Variants in RBFOX1 observed in about 807,000 individuals in gnomAD.
RBFOX1 encodes RNA binding protein fox-1 homolog 1.
RBFOX1 carries 8 observed loss-of-function variants against 57.7 expected under a neutral mutation model. The observed-to-expected ratio is 0.14, with a 90% CI of 0.08 to 0.25. RBFOX1 has a LOEUF of 0.25. Ranked by LOEUF, RBFOX1 falls within the 10% of genes least tolerant of loss-of-function variation. The pLI is 1.00. For missense variants in RBFOX1, 611 were observed against 548.5 expected (o/e 1.11, Z -1.14); for synonymous variants, 326 against 222.4 (o/e 1.47, Z -4.15).
intron 2 of RBFOX1, among the ~76,000 whole-genome samples, chr16:6,512,527 C>T (rs764475332): frequency 1.3e-5 from 2 of 152,028 alleles, no homozygotes; most frequent in African/African-American, 2.4e-5. Context: ...AGGGTCTGGA[C>T]CAAGACTGGG....
At chr16:5,841,605 A>G (rs957475059) in intron 3 of RBFOX1, among the ~76,000 whole-genome samples, 6 of 152,302 alleles carry the variant, frequency 3.9e-5, no homozygotes, top group Non-Finnish European at 7.3e-5. Context: ...ATCTTTTCCA[A>G]TATCTGGGAT....
chr16:7,374,925 C>G (rs565340871), intron 4 of RBFOX1, among the ~76,000 whole-genome samples: 11 of 152,270 alleles, frequency 7.2e-5, no homozygotes, highest in African/African-American at 2.4e-4. Context: ...TTCAAGACCT[C>G]TGCACTTACA....
intron 4 of RBFOX1, among the ~76,000 whole-genome samples, chr16:7,483,720 C>G (rs547650590): frequency 6.6e-6 from 1 of 152,142 alleles, no homozygotes; most frequent in Admixed American, 6.5e-5. Context: ...GTTCAGCTAC[C>G]CAAGACAACA....
At chr16:6,113,483 C>G (rs561862720) in intron 1 of RBFOX1, among the ~76,000 whole-genome samples, 1 of 152,194 alleles carries the variant, frequency 6.6e-6, no homozygotes, top group Non-Finnish European at 1.5e-5. Context: ...TTTGTGTGGA[C>G]TTGTTGATGG....
chr16:6,157,684 C>T (rs1181612568), intron 1 of RBFOX1, among the ~76,000 whole-genome samples: 1 of 151,158 alleles, frequency 6.6e-6, no homozygotes, highest in East Asian at 1.9e-4. Context: ...ATATATATGC[C>T]CATATATAAA....
intron 4 of RBFOX1, among the ~76,000 whole-genome samples, chr16:7,151,404 G>A (rs1392222553): frequency 1.3e-5 from 2 of 152,030 alleles, no homozygotes; most frequent in Non-Finnish European, 2.9e-5. Flanking sequence ...AGCAGGGCAG[G>A]GTAAAGGGGT....
chr16:6,516,196 T>A (rs1156411088), intron 2 of RBFOX1, among the ~76,000 whole-genome samples: 2 of 152,188 alleles, frequency 1.3e-5, no homozygotes, highest in Admixed American at 1.3e-4. Flanking sequence ...GCCTGGCTAA[T>A]ACTTGTATTT....
At chr16:5,303,666 A>G (rs758491189) in intron 1 of RBFOX1, among the ~76,000 whole-genome samples, 18 of 151,346 alleles carry the variant, frequency 1.2e-4, no homozygotes, top group South Asian at 2.1e-4. Context: ...GGAAAAAGGA[A>G]CCAGGCCTTA....
intron 2 of RBFOX1, among the ~76,000 whole-genome samples, chr16:6,527,251 G>T (rs2096593783): frequency 1.3e-5 from 2 of 152,120 alleles, no homozygotes; most frequent in East Asian, 1.9e-4. Context: ...CGCGTTACCA[G>T]TTTGTTTTGT....
intron 2 of RBFOX1, among the ~76,000 whole-genome samples, chr16:6,623,341 G>C (rs896142312): frequency 2.0e-5 from 3 of 152,126 alleles, no homozygotes; most frequent in African/African-American, 4.8e-5. Flanking sequence ...AGAAGGGCCT[G>C]AGAAGGACAG....
intron 3 of RBFOX1, among the ~76,000 whole-genome samples, chr16:6,927,847 C>T (rs1487583302): frequency 2.0e-5 from 3 of 152,194 alleles, no homozygotes; most frequent in Admixed American, 2.0e-4. Flanking sequence ...AAATGTGGAT[C>T]TCACAACACA....
At chr16:7,460,051 G>C (rs2059250053) in intron 4 of RBFOX1, among the ~76,000 whole-genome samples, 1 of 152,032 alleles carries the variant, frequency 6.6e-6, no homozygotes, top group Admixed American at 6.6e-5. Flanking sequence ...CAAGGGATGA[G>C]GCAGACTTAG....
intron 3 of RBFOX1, among the ~76,000 whole-genome samples, chr16:7,043,198 T>C (rs2046767513): frequency 6.6e-6 from 1 of 152,150 alleles, no homozygotes; most frequent in Non-Finnish European, 1.5e-5. Context: ...TGATGTCTCC[T>C]CCACTGCTTC....
intron 3 of RBFOX1, among the ~76,000 whole-genome samples, chr16:6,754,184 C>G (rs1209569788): frequency 6.6e-6 from 1 of 152,144 alleles, no homozygotes; most frequent in Non-Finnish European, 1.5e-5. Context: ...AAACTCAACA[C>G]TCAGGCAGCT....
At chr16:5,909,886 C>T (rs1220987622) in intron 4 of RBFOX1, among the ~76,000 whole-genome samples, 1 of 151,930 alleles carries the variant, frequency 6.6e-6, no homozygotes, top group African/African-American at 2.4e-5. Flanking sequence ...AACCCCGTCT[C>T]CACTAAAAAT....
chr16:6,333,560 T>C (rs758828539), intron 2 of RBFOX1, among the ~76,000 whole-genome samples: 15 of 152,208 alleles, frequency 9.9e-5, no homozygotes, highest in Non-Finnish European at 1.3e-4. Context: ...TCATCCTTGA[T>C]TTTTCAGAGT....
intron 1 of RBFOX1, among the ~76,000 whole-genome samples, chr16:6,074,694 A>G (rs1375587241): frequency 6.6e-6 from 1 of 152,194 alleles, no homozygotes; most frequent in Admixed American, 6.5e-5. Flanking sequence ...GAGACAGCAG[A>G]GGTAAGGGAG....
chr16:5,965,553 G>A (rs1159267649), intron 4 of RBFOX1, among the ~76,000 whole-genome samples: 6 of 152,126 alleles, frequency 3.9e-5, no homozygotes, highest in Non-Finnish European at 8.8e-5. Flanking sequence ...ACCAGGAAAT[G>A]TTCTGTCACA....
chr16:5,832,826 C>G (rs745308183), intron 3 of RBFOX1, among the ~76,000 whole-genome samples: 5 of 152,136 alleles, frequency 3.3e-5, no homozygotes, highest in Non-Finnish European at 7.4e-5. Context: ...TGCTTGGGAC[C>G]ACAGGAGCAA....
Sources: allele counts gnomAD v4.1 joint callset (sites outside exome capture counted in the v4.1 genomes callset), GRCh38; gene constraint gnomAD v4.1.1; transcripts MANE v1.5; gene names NCBI Gene and HGNC (gene_info 2026-07-23, HGNC 2026-07-21).